PDHX: variants seen among roughly 807,000 people sequenced by gnomAD.
PDHX encodes the protein pyruvate dehydrogenase protein X component, mitochondrial.
Under a neutral mutation model 55.3 loss-of-function variants are expected in PDHX, and 33 were observed. The observed-to-expected ratio is 0.60, with a 90% CI of 0.45 to 0.80. The LOEUF (loss-of-function observed/expected upper bound fraction) is 0.80, where lower values mean the gene tolerates loss of function less well. PDHX is among the 30% of genes least tolerant of loss of function. The probability of loss-of-function intolerance (pLI) is 0.00; values close to 1 mark genes in which losing one functional copy is unlikely to be tolerated. For missense variants in PDHX, 622 were observed against 619.9 expected, an observed-to-expected ratio of 1.00 and a Z score of -0.04; for synonymous variants, 226 against 219.4, an observed-to-expected ratio of 1.03 and a Z score of -0.27.
rs115256141 is a variant in PDHX, at chr11:34,941,208, G to A, written c.242-6298G>A. Reference sequence around the variant, plus strand: ...GCAACCAGGTTGCCTCAGGTCTTTGGCCATGCAAATATTATCCTTCTTTGT... The same window carrying A: ...GCAACCAGGTTGCCTCAGGTCTTTGACCATGCAAATATTATCCTTCTTTGT... On this transcript the variant is annotated intron_variant, in intron 2 of 10. Coordinates refer to ENST00000227868, the MANE Select transcript of PDHX (RefSeq NM_003477.3). 7.3e-3 allele frequency among the ~76,000 whole-genome samples: 1,115 copies of A among 152,226 alleles called. 9 individuals are homozygous for A. The highest frequency in any genetic ancestry group is 0.026 in the African/African-American group (1,076 of 41,518).
intron 7 of PDHX, among the ~76,000 whole-genome samples, chr11:34,971,773 A>G (rs952009496): frequency 6.6e-6 from 1 of 152,060 alleles, no homozygotes; most frequent in Non-Finnish European, 1.5e-5. Context: ...TTGTTATCTT[A>G]TCTAGTGGAA....
intron 8 of PDHX, among the ~76,000 whole-genome samples, chr11:34,980,463 A>G (rs1855486625): frequency 6.7e-6 from 1 of 150,188 alleles, no homozygotes; most frequent in Non-Finnish European, 1.5e-5. Context: ...TAGATTTTTA[A>G]TGCAACTTTG....
intron 1 of PDHX, among the ~76,000 whole-genome samples, chr11:34,928,047 A>G (rs1174633039): frequency 6.6e-6 from 1 of 152,148 alleles, no homozygotes; most frequent in East Asian, 1.9e-4. Context: ...CAGAGGTTTC[A>G]TAATATAGTC....
chr11:34,960,285 G>A, intron 4 of PDHX, 135 bp from the exon 5 acceptor site: 2 of 640,242 alleles, frequency 3.1e-6, no homozygotes, highest in East Asian at 6.0e-5. Context: ...ATTTGACTGT[G>A]ACCATCTGTG....
chr11:34,982,049 T>C (rs999652091), intron 8 of PDHX, among the ~76,000 whole-genome samples: 5 of 152,230 alleles, frequency 3.3e-5, no homozygotes, highest in Non-Finnish European at 7.4e-5. Context: ...CCATTGCTTT[T>C]GGTGTTTTAG....
intron 4 of PDHX, 113 bp downstream of exon 4, chr11:34,957,696 C>A: frequency 1.2e-6 from 1 of 834,864 alleles, no homozygotes; most frequent in Non-Finnish European, 2.0e-6. Flanking sequence ...TAGGAAGTTG[C>A]TGTTCTCAGC....
At chr11:34,993,730 C>T (rs1484013916) in intron 10 of PDHX, among the ~76,000 whole-genome samples, 5 of 152,064 alleles carry the variant, frequency 3.3e-5, no homozygotes, top group African/African-American at 1.2e-4. Context: ...TCTGGCTTTT[C>T]GTATTTCCAA....
At chr11:34,991,906 CAAA>C (rs1169109545) in intron 9 of PDHX, among the ~76,000 whole-genome samples, 8 of 37,314 alleles carry the variant, frequency 2.1e-4, no homozygotes, top group Admixed American at 2.9e-4. Flanking sequence ...TGAGACTTCT[CAAA>C]AAAAAAAAAA....
At chr11:34,982,095 G>A (rs145046504) in intron 8 of PDHX, among the ~76,000 whole-genome samples, 1,537 of 152,260 alleles carry the variant, frequency 0.01, 32 homozygotes, top group African/African-American at 0.034. Context: ...GTTCTGAATG[G>A]TATTGCCTAG....
At chr11:34,941,011 A>G (rs1041729896) in intron 2 of PDHX, among the ~76,000 whole-genome samples, 2 of 152,204 alleles carry the variant, frequency 1.3e-5, no homozygotes, top group Admixed American at 6.5e-5. Context: ...GTTTTATTCA[A>G]TAGAAGTTTC....
At chr11:34,964,973 C>A (rs1278162348) in intron 5 of PDHX, among the ~76,000 whole-genome samples, 1 of 151,994 alleles carries the variant, frequency 6.6e-6, no homozygotes, top group East Asian at 1.9e-4. Flanking sequence ...CGGGCATTAA[C>A]GATACAGATT....
At chr11:34,983,584 T>C (rs192533566) in intron 8 of PDHX, among the ~76,000 whole-genome samples, 3,855 of 146,848 alleles carry the variant, frequency 0.026, 226 homozygotes, top group African/African-American at 0.098. Context: ...AGTCTCAGAA[T>C]ACACAATCAA....
intron 6 of PDHX, among the ~76,000 whole-genome samples, chr11:34,969,795 GTATA>G (rs1590759154): frequency 1.3e-5 from 2 of 152,032 alleles, no homozygotes; most frequent in East Asian, 3.9e-4. Context: ...GTGTGTGTAC[GTATA>G]TATACACACA....
At chr11:34,974,905 TC>T (rs1269614936) in intron 7 of PDHX, among the ~76,000 whole-genome samples, 1 of 152,114 alleles carries the variant, frequency 6.6e-6, no homozygotes, top group Non-Finnish European at 1.5e-5. Context: ...AAGACCTGTC[TC>T]CAAAAACAAA....
At chr11:34,943,770 G>A (rs1213630507) in intron 2 of PDHX, among the ~76,000 whole-genome samples, 2 of 152,090 alleles carry the variant, frequency 1.3e-5, no homozygotes, top group East Asian at 3.9e-4. Flanking sequence ...CTTCTACCTG[G>A]ATCACTGCCT....
upstream of PDHX, chr11:34,916,337 G>T (rs2956113): frequency 8.8e-6 from 14 of 1,599,636 alleles, no homozygotes; most frequent in African/African-American, 1.3e-4. Context: ...CTTTGCGCGC[G>T]GCGCTTAGCC....
chr11:34,990,494 C>G (rs1855734038), intron 9 of PDHX, among the ~76,000 whole-genome samples: 1 of 152,146 alleles, frequency 6.6e-6, no homozygotes, highest in Non-Finnish European at 1.5e-5. Flanking sequence ...TGCGTGCAAT[C>G]TACTTATTAA....
chr11:34,939,007 C>T (rs1807775228), intron 2 of PDHX, among the ~76,000 whole-genome samples: 2 of 152,166 alleles, frequency 1.3e-5, no homozygotes, highest in Non-Finnish European at 2.9e-5. Flanking sequence ...CTTTTTGAAG[C>T]TCATCACCTT....
chr11:34,970,200 A>T lies in PDHX; in HGVS notation c.878A>T (p.Glu293Val). 1 of 1,612,752 alleles carries T rather than the reference A, an allele frequency of 6.2e-7. No individual in the cohort carries two copies. The change falls in exon 7 of 11, where the codon GAA (glutamate) becomes GTA (valine). Residue 293 changes from glutamate to valine, a missense_variant. By Grantham distance (121) the Glu-to-Val change is moderately radical (BLOSUM62 -2). Transcript: ENST00000227868. ...IRRVIAKRLT[E>V]SKSTVPHAYA... ...AGAGTTATTGCCAAGAGATTAACTG[A>T]ATCTAAAAGTACTGTACCTCATGCA... is the stretch of plus-strand genomic sequence containing the variant.
Sources: gnomAD v4.1 joint callset for allele counts (sites outside exome capture counted in the v4.1 genomes callset) on GRCh38, gnomAD v4.1.1 for gene constraint, MANE v1.5 for transcripts, NCBI Gene and HGNC (gene_info 2026-07-23, HGNC 2026-07-21) for gene names.